Variants in DLGAP1 observed in about 807,000 individuals in gnomAD.
DLGAP1 encodes disks large-associated protein 1.
DLGAP1 carries 11 observed loss-of-function variants against 90.8 expected under a neutral mutation model. That is an observed-to-expected ratio of 0.12 (90% CI 0.08 to 0.20). The LOEUF (loss-of-function observed/expected upper bound fraction) is 0.20. Ranked by LOEUF, DLGAP1 falls within the 10% of genes least tolerant of loss-of-function variation. The probability of loss-of-function intolerance (pLI) is 1.00; values close to 1 mark genes in which losing one functional copy is unlikely to be tolerated. For synonymous variants in DLGAP1, 558 were observed against 540.7 expected (o/e 1.03, Z -0.44); for missense variants, 1,050 against 1,333.8 (o/e 0.79, Z 3.31).
chr18:3,949,769 G>A (rs1404240433), intron 3 of DLGAP1, among the ~76,000 whole-genome samples: 1 of 152,072 alleles, frequency 6.6e-6, no homozygotes, highest in Non-Finnish European at 1.5e-5. Context: ...CTAAAAATCT[G>A]TTATTTTCTA....
At chr18:3,793,748 T>C (rs1362800268) in intron 5 of DLGAP1, among the ~76,000 whole-genome samples, 5 of 152,216 alleles carry the variant, frequency 3.3e-5, no homozygotes, top group African/African-American at 1.2e-4. Flanking sequence ...TGCTGCTTTC[T>C]GTCTGACTCA....
At chr18:3,934,943 G>C (rs1049204753) in intron 3 of DLGAP1, among the ~76,000 whole-genome samples, 1 of 152,238 alleles carries the variant, frequency 6.6e-6, no homozygotes, top group Non-Finnish European at 1.5e-5. Context: ...TCAAACCCCT[G>C]TTCCATTTCT....
intron 6 of DLGAP1, among the ~76,000 whole-genome samples, chr18:3,737,583 C>T (rs903815153): frequency 6.6e-6 from 1 of 151,302 alleles, no homozygotes; most frequent in African/African-American, 2.4e-5. Context: ...AGCCTTCATG[C>T]TAAAAACTCT....
chr18:4,257,973 A>ATGTGTATGTG (rs1555773192), intron 1 of DLGAP1, among the ~76,000 whole-genome samples: 27 of 141,356 alleles, frequency 1.9e-4, no homozygotes, highest in African/African-American at 6.7e-4. Context: ...AGTTATACAT[A>ATGTGTATGTG]TGTGTGTGTG....
intron 5 of DLGAP1, among the ~76,000 whole-genome samples, chr18:3,795,154 G>C (rs1402735782): frequency 6.6e-6 from 1 of 152,162 alleles, no homozygotes; most frequent in Non-Finnish European, 1.5e-5. Context: ...GGATCACAGA[G>C]ACACCCACTG....
At chr18:4,073,686 T>C (rs770564479) in intron 2 of DLGAP1, among the ~76,000 whole-genome samples, 2 of 152,116 alleles carry the variant, frequency 1.3e-5, no homozygotes, top group African/African-American at 4.8e-5. Flanking sequence ...TAATTTCCAA[T>C]GAATGTTTTT....
chr18:3,822,702 G>A (rs1049984362), intron 4 of DLGAP1, among the ~76,000 whole-genome samples: 2 of 152,192 alleles, frequency 1.3e-5, no homozygotes, highest in Non-Finnish European at 1.5e-5. Context: ...CCCTGCAGGG[G>A]AATGGCAGAG....
chr18:3,508,720 C>T, intron 10 of DLGAP1, 59 bp from the exon 11 acceptor site: 2 of 1,405,046 alleles, frequency 1.4e-6, no homozygotes, highest in South Asian at 1.2e-5. Context: ...GAGATTTAGT[C>T]TGGTAAAGCA....
chr18:3,686,587 G>A (rs1293199738), intron 7 of DLGAP1, among the ~76,000 whole-genome samples: 1 of 151,868 alleles, frequency 6.6e-6, no homozygotes, highest in Admixed American at 6.6e-5. Context: ...TTTGTCTTGT[G>A]CATTTTCACT....
chr18:3,666,517 G>A (rs2059890639), intron 7 of DLGAP1, among the ~76,000 whole-genome samples: 1 of 152,150 alleles, frequency 6.6e-6, no homozygotes, highest in Admixed American at 6.5e-5. Flanking sequence ...CTACCAATCC[G>A]AGGAAGGATG....
chr18:4,027,139 T>C (rs114693735), intron 2 of DLGAP1, among the ~76,000 whole-genome samples: 48 of 152,116 alleles, frequency 3.2e-4, no homozygotes, highest in African/African-American at 1.2e-3. Flanking sequence ...AGCACAGAAA[T>C]TTTGGAGGTT....
At chr18:4,453,549 T>C (rs1034860010) in intron 1 of DLGAP1, among the ~76,000 whole-genome samples, 16 of 152,184 alleles carry the variant, frequency 1.1e-4, no homozygotes, top group African/African-American at 3.1e-4. Context: ...CTGTTCTTTT[T>C]AGAACAGCTC....
chr18:4,391,604 A>G (rs1334371807), intron 1 of DLGAP1, among the ~76,000 whole-genome samples: 1 of 152,128 alleles, frequency 6.6e-6, no homozygotes, highest in Non-Finnish European at 1.5e-5. Flanking sequence ...TACATAGCCC[A>G]TAACATCCCT....
At chr18:3,946,610 GAAAC>G in intron 3 of DLGAP1, among the ~76,000 whole-genome samples, 1 of 152,016 alleles carries the variant, frequency 6.6e-6, no homozygotes, top group South Asian at 2.1e-4. Context: ...AACAATCAGA[GAAAC>G]AAACAAAAAC....
rs368093345 is a variant in DLGAP1, at chr18:3,724,822, C to T, written c.1591+4313G>A. Among the ~76,000 whole-genome samples the T allele has an allele frequency of 4.6e-4, 70 of 151,526 alleles. 1 individual carries two copies. In the South Asian group the frequency reaches 4.8e-3, roughly 10 times the overall value. On this transcript the variant is annotated intron_variant, in intron 7 of 12. Transcript: ENST00000315677. Reference sequence around the variant, plus strand: ...AGTTCAGGAGGCTGAGGTGGAGGATCGCAGTCCAGGAGCTGGAGGCTGCAG... The same window carrying T: ...AGTTCAGGAGGCTGAGGTGGAGGATTGCAGTCCAGGAGCTGGAGGCTGCAG...
intron 5 of DLGAP1, among the ~76,000 whole-genome samples, chr18:3,786,584 C>A (rs8096244): frequency 0.29 from 43,331 of 151,944 alleles, 6,463 homozygotes; most frequent in East Asian, 0.47. Flanking sequence ...TCTCCAACTT[C>A]AGCAGTCCTT....
chr18:3,703,592 G>A (rs755339803), intron 7 of DLGAP1, among the ~76,000 whole-genome samples: 2 of 152,160 alleles, frequency 1.3e-5, no homozygotes, highest in Non-Finnish European at 2.9e-5. Context: ...TTTAGAAGAC[G>A]GAGGGATATT....
At chr18:3,509,011 G>C (rs368150847) in intron 10 of DLGAP1, among the ~76,000 whole-genome samples, 3 of 149,598 alleles carry the variant, frequency 2.0e-5, no homozygotes, top group Admixed American at 1.3e-4. Context: ...TTCCTTTACC[G>C]CAAGGATGAA....
At chr18:4,329,012 A>AAC (rs2080888574) in intron 1 of DLGAP1, among the ~76,000 whole-genome samples, 2 of 152,110 alleles carry the variant, frequency 1.3e-5, no homozygotes, top group African/African-American at 4.8e-5. Flanking sequence ...TAAGTAGTAT[A>AAC]TTGTGAAGAA....
Sources: allele counts gnomAD v4.1 joint callset (sites outside exome capture counted in the v4.1 genomes callset), GRCh38; gene constraint gnomAD v4.1.1; transcripts MANE v1.5; gene names NCBI Gene and HGNC (gene_info 2026-07-23, HGNC 2026-07-21).